VWC2L: variants seen among roughly 807,000 people sequenced by gnomAD.
The protein encoded by VWC2L is von Willebrand factor C domain-containing protein 2-like.
Under a neutral mutation model 21.6 loss-of-function variants are expected in VWC2L, and 10 were observed. The observed-to-expected ratio is 0.46, with a 90% CI of 0.29 to 0.78. VWC2L has a LOEUF of 0.78. Ranked by LOEUF, VWC2L falls within the 30% of genes least tolerant of loss-of-function variation. The pLI, the probability that VWC2L is intolerant of heterozygous loss-of-function variation, is 0.10. For missense variants in VWC2L, 209 were observed against 277.1 expected (o/e 0.75, Z 1.74); for synonymous variants, 96 against 94.3 (o/e 1.02, Z -0.10).
rs143571474 is a variant in VWC2L, at chr2:214,436,822, G to C, written c.520+64G>C. ...CACAAAATACAAATATTTCACTACTGCATACCATTCAATGCAAGACCCCTC... is the reference window on the plus strand; with the variant it reads ...CACAAAATACAAATATTTCACTACTCCATACCATTCAATGCAAGACCCCTC... On this transcript the variant is annotated intron_variant, in intron 3 of 3. Transcript: ENST00000312504. The C allele has an allele frequency of 8.1e-5, 129 of 1,588,578 alleles. No homozygotes were observed. The East Asian group carries it at 2.8e-3, about 34-fold the overall frequency.
At chr2:214,431,387 T>C (rs1207685959) in intron 2 of VWC2L, among the ~76,000 whole-genome samples, 1 of 152,192 alleles carries the variant, frequency 6.6e-6, no homozygotes, top group African/African-American at 2.4e-5. Flanking sequence ...TAAGGGGAGT[T>C]TTTTGAAAAG....
intron 3 of VWC2L, among the ~76,000 whole-genome samples, chr2:214,567,491 C>T (rs1690081573): frequency 6.6e-6 from 1 of 151,858 alleles, no homozygotes; most frequent in African/African-American, 2.4e-5. Flanking sequence ...CTCTGCCCCA[C>T]ATGGGGATTT....
chr2:214,476,219 T>C (rs889760851), intron 3 of VWC2L, among the ~76,000 whole-genome samples: 2 of 152,174 alleles, frequency 1.3e-5, no homozygotes, highest in South Asian at 2.1e-4. Context: ...ACAGCCAATA[T>C]GCAAAAGGAG....
At chr2:214,426,646 A>G (rs567854132) in intron 2 of VWC2L, among the ~76,000 whole-genome samples, 3 of 152,360 alleles carry the variant, frequency 2.0e-5, no homozygotes, top group East Asian at 3.9e-4. Flanking sequence ...TGTCCTTGTC[A>G]TATAAATGGA....
At chr2:214,459,044 G>A (rs562323420) in intron 3 of VWC2L, among the ~76,000 whole-genome samples, 8 of 152,114 alleles carry the variant, frequency 5.3e-5, no homozygotes, top group Non-Finnish European at 1.2e-4. Context: ...GCATTGGGGT[G>A]TATCTCTCCT....
chr2:214,421,964 T>C (rs186032108), intron 2 of VWC2L, among the ~76,000 whole-genome samples: 2 of 136,002 alleles, frequency 1.5e-5, no homozygotes, highest in South Asian at 2.5e-4. Context: ...CGATCTCGAC[T>C]CTGCAAGCTC....
At chr2:214,475,435 GTGTA>G (rs1025229546) in intron 3 of VWC2L, among the ~76,000 whole-genome samples, 18 of 151,834 alleles carry the variant, frequency 1.2e-4, no homozygotes, top group Admixed American at 9.2e-4. Flanking sequence ...TTTTTGAAAC[GTGTA>G]TGTTTCAAAA....
At chr2:214,510,988 A>T (rs2105905505) in intron 3 of VWC2L, among the ~76,000 whole-genome samples, 1 of 152,314 alleles carries the variant, frequency 6.6e-6, no homozygotes, top group Middle Eastern at 3.4e-3. Flanking sequence ...ACCTATATGT[A>T]ATATTTGTAA....
At chr2:214,446,141 T>C (rs1702834315) in intron 3 of VWC2L, among the ~76,000 whole-genome samples, 1 of 152,222 alleles carries the variant, frequency 6.6e-6, no homozygotes, top group Non-Finnish European at 1.5e-5. Flanking sequence ...AGACAATTAG[T>C]GATAAGCATA....
Position 214,535,797 on chromosome 2 carries a change from A to AACACAC in VWC2L, c.521-39856_521-39851dup, listed in dbSNP as rs10581608. 2.6e-4 allele frequency among the ~76,000 whole-genome samples: 39 copies of AACACAC among 150,098 alleles called. 1 individual carries two copies. The East Asian group carries it at 7.1e-3, about 28-fold the overall frequency. ...ATTCAAACATAATTTGGAAAAATGA[A>AACACAC]ACACACACACACACACACACACACT... On this transcript the variant is annotated intron_variant, in intron 3 of 3. Coordinates refer to ENST00000312504, the MANE Select transcript of VWC2L (RefSeq NM_001080500.4).
intron 3 of VWC2L, among the ~76,000 whole-genome samples, chr2:214,481,153 T>C (rs1343209415): frequency 6.6e-6 from 1 of 152,206 alleles, no homozygotes; most frequent in Non-Finnish European, 1.5e-5. Context: ...AATGTGACTC[T>C]GCTTTTCCCA....
At chr2:214,480,885 AAAAG>A (rs1265868656) in intron 3 of VWC2L, among the ~76,000 whole-genome samples, 5 of 147,536 alleles carry the variant, frequency 3.4e-5, no homozygotes, top group African/African-American at 7.5e-5. Context: ...AAAAAAAAAA[AAAAG>A]GTAGATGTAT....
intron 3 of VWC2L, among the ~76,000 whole-genome samples, chr2:214,448,416 T>A (rs1281500127): frequency 6.6e-6 from 1 of 152,206 alleles, no homozygotes; most frequent in Non-Finnish European, 1.5e-5. Flanking sequence ...GAGTCTAGGA[T>A]GCTTTTGGTG....
chr2:214,432,049 C>T (rs1702608043), intron 2 of VWC2L, among the ~76,000 whole-genome samples: 1 of 152,128 alleles, frequency 6.6e-6, no homozygotes. Context: ...AACCTTTTTC[C>T]CCAAAGTGCC....
At chr2:214,525,822 T>C (rs1393762864) in intron 3 of VWC2L, among the ~76,000 whole-genome samples, 1 of 152,180 alleles carries the variant, frequency 6.6e-6, no homozygotes, top group Non-Finnish European at 1.5e-5. Context: ...AGTTAAACCT[T>C]TGGCCCTGAA....
chr2:214,499,200 G>C (rs1688857023), intron 3 of VWC2L, among the ~76,000 whole-genome samples: 1 of 151,472 alleles, frequency 6.6e-6, no homozygotes, highest in Non-Finnish European at 1.5e-5. Context: ...TGTATTTTTA[G>C]TAGAGATGGG....
intron 3 of VWC2L, among the ~76,000 whole-genome samples, chr2:214,522,605 A>G (rs79496147): frequency 0.012 from 1,898 of 152,204 alleles, 18 homozygotes; most frequent in Admixed American, 0.02. Flanking sequence ...TTACATACAT[A>G]TACACAATAT....
chr2:214,429,152 A>G (rs892163795), intron 2 of VWC2L, among the ~76,000 whole-genome samples: 1 of 152,244 alleles, frequency 6.6e-6, no homozygotes, highest in African/African-American at 2.4e-5. Flanking sequence ...TCTGATATCA[A>G]CAATCTCTCC....
At chr2:214,419,927 C>T (rs555450008) in intron 2 of VWC2L, among the ~76,000 whole-genome samples, 3 of 152,148 alleles carry the variant, frequency 2.0e-5, no homozygotes, top group Admixed American at 6.5e-5. Context: ...GGTGTGGTGG[C>T]GGGCACCTCT....
Sources: gnomAD v4.1 joint callset for allele counts (sites outside exome capture counted in the v4.1 genomes callset) on GRCh38, gnomAD v4.1.1 for gene constraint, MANE v1.5 for transcripts, NCBI Gene and HGNC (gene_info 2026-07-23, HGNC 2026-07-21) for gene names.